TMEM132C: variants seen among roughly 807,000 people sequenced by gnomAD.
TMEM132C encodes protein phosphatase 1, regulatory subunit 152.
TMEM132C carries 29 observed loss-of-function variants against 61.4 expected under a neutral mutation model. The ratio of observed to expected loss-of-function variants is 0.47; its 90% CI spans 0.35 to 0.64. The LOEUF (loss-of-function observed/expected upper bound fraction) is 0.64. Among genes scored for constraint, TMEM132C ranks in the 30% least tolerant of loss-of-function variants. The pLI, the probability that TMEM132C is intolerant of heterozygous loss-of-function variation, is 0.00. For missense variants in TMEM132C, 1,408 were observed against 1,476.9 expected (o/e 0.95, Z 0.76); for synonymous variants, 656 against 633.1 (o/e 1.04, Z -0.54).
intron 1 of TMEM132C, among the ~76,000 whole-genome samples, chr12:128,349,000 G>T (rs1463137392): frequency 6.6e-6 from 1 of 152,116 alleles, no homozygotes; most frequent in African/African-American, 2.4e-5. Flanking sequence ...GGTATGGGTG[G>T]GGAGGACTCT....
intron 1 of TMEM132C, among the ~76,000 whole-genome samples, chr12:128,305,276 C>T (rs1051535560): frequency 2.0e-5 from 3 of 151,928 alleles, no homozygotes; most frequent in African/African-American, 7.3e-5. Flanking sequence ...GGCTAGACCC[C>T]GACTTTAAAC....
Position 128,278,750 on chromosome 12 carries a change from A to ATGTGTGTGTG in TMEM132C, c.85+11291_85+11300dup, listed in dbSNP as rs35003496. On this transcript the variant is annotated intron_variant, in intron 1 of 8. Coordinates refer to ENST00000435159, the MANE Select transcript of TMEM132C (RefSeq NM_001136103.3). This position sits in a 1 kb window ranked among gnomAD's most constrained non-coding sequence, Gnocchi z 4.2. ...TGTGCAGACTTGATTCTATACGTGT[A>ATGTGTGTGTG]TGTGTGTGTGTGTGTGTGTGTGTGT... Among the ~76,000 whole-genome samples, 100 of 137,058 alleles carry ATGTGTGTGTG rather than the reference A, an allele frequency of 7.3e-4. 1 individual carries two copies. In the South Asian group the frequency reaches 7.6e-3, roughly 10 times the overall value. 89.9% of individuals were successfully genotyped at this position (137,058 alleles called of 152,430 possible).
intron 5 of TMEM132C, among the ~76,000 whole-genome samples, chr12:128,670,906 T>C (rs1954525785): frequency 6.6e-6 from 1 of 152,150 alleles, no homozygotes; most frequent in Non-Finnish European, 1.5e-5. Flanking sequence ...AAAATCTAGA[T>C]TTCTGGTTAA....
intron 3 of TMEM132C, among the ~76,000 whole-genome samples, chr12:128,608,100 C>T (rs2135578453): frequency 6.6e-6 from 1 of 152,280 alleles, no homozygotes; most frequent in African/African-American, 2.4e-5. Context: ...TCTTAGGACA[C>T]ATGGCCTTAG....
rs1953975798 is a variant in TMEM132C at position 128,622,363 on chromosome 12, ATATAT to A, written c.1305+6029_1305+6033del. Among the ~76,000 whole-genome samples the A allele has an allele frequency of 4.5e-3, 255 of 56,710 alleles. 2 individuals are homozygous for A. Among genetic ancestry groups the A allele is most frequent in the African/African-American group, 6.8e-3 (77 of 11,390 alleles). 37.2% of individuals were successfully genotyped at this position (56,710 alleles called of 152,430 possible). A position where few individuals can be genotyped will look rare whatever the true frequency, so the allele number is the denominator to read the frequency against. On this transcript the variant is annotated intron_variant, in intron 4 of 8. Coordinates refer to ENST00000435159, the MANE Select transcript of TMEM132C (RefSeq NM_001136103.3). The stretch of plus-strand genomic sequence containing the variant: ...TGTCTCAAAAAAAAAAAAAAAAAAT[ATATAT>A]ATATATATATATATATATATATATA...
intron 2 of TMEM132C, among the ~76,000 whole-genome samples, chr12:128,512,330 T>C (rs1457262817): frequency 1.3e-5 from 2 of 152,188 alleles, no homozygotes; most frequent in African/African-American, 4.8e-5. Flanking sequence ...TAATATTTTC[T>C]TGTTTTTACC....
At chr12:128,622,356 AAAAAATATATAT>A (rs1953971938) in intron 4 of TMEM132C, among the ~76,000 whole-genome samples, 1 of 59,214 alleles carries the variant, frequency 1.7e-5, no homozygotes, top group African/African-American at 8.5e-5. Flanking sequence ...AAAAAAAAAA[AAAAAATATATAT>A]ATATATATAT....
intron 1 of TMEM132C, among the ~76,000 whole-genome samples, chr12:128,296,306 A>G (rs2135913979): frequency 6.6e-6 from 1 of 152,340 alleles, no homozygotes. Context: ...CTTAAAAAGC[A>G]ACTCCAGAAG....
In TMEM132C at chr12:128,570,240, T is replaced by C. The variant is rs1874832078; in HGVS notation, c.1121+26137T>C. 6.6e-6 allele frequency among the ~76,000 whole-genome samples: 1 copy of C among 151,970 alleles called. No individual in the cohort carries two copies. The highest frequency in any genetic ancestry group is 1.5e-5 in the Non-Finnish European group (1 of 68,020). On this transcript the variant is annotated intron_variant, in intron 3 of 8. Transcript: ENST00000435159. This position sits in a 1 kb window ranked among gnomAD's most constrained non-coding sequence, Gnocchi z 4.7. ...CACCCCCCACACACTCACACTGTGG[T>C]CACATTGAGAAAAGATGCAAGACGC...
At chr12:128,461,668 C>T (rs1273716188) in intron 2 of TMEM132C, among the ~76,000 whole-genome samples, 1 of 152,112 alleles carries the variant, frequency 6.6e-6, no homozygotes, top group Non-Finnish European at 1.5e-5. Context: ...TCATTGTTCA[C>T]CAGGTCAGGA....
rs146759356 is a variant in TMEM132C, at chr12:128,455,438, G to A, written c.974+39818G>A. ...GGGGAATATGTGACCTACTGAAGCA[G>A]TATTGTGGTCCTGAAAGATGACAAG... On this transcript the variant is annotated intron_variant, in intron 2 of 8. Coordinates refer to ENST00000435159, the MANE Select transcript of TMEM132C (RefSeq NM_001136103.3). Among the ~76,000 whole-genome samples the A allele has an allele frequency of 8.2e-4, 125 of 152,318 alleles. 1 individual carries two copies. The highest frequency in any genetic ancestry group is 3.4e-3 in the Middle Eastern group (1 of 294).
intron 2 of TMEM132C, among the ~76,000 whole-genome samples, chr12:128,543,243 G>C (rs1158416871): frequency 6.6e-6 from 1 of 152,172 alleles, no homozygotes; most frequent in African/African-American, 2.4e-5. Flanking sequence ...CATTTATTAA[G>C]TGTGTATTGT....
chr12:128,465,734 A>G (rs1870710041), intron 2 of TMEM132C, among the ~76,000 whole-genome samples: 1 of 152,234 alleles, frequency 6.6e-6, no homozygotes, highest in Non-Finnish European at 1.5e-5. Flanking sequence ...GGGCCAAAAG[A>G]ACACCCTCAA....
At chr12:128,581,663 T>G (rs1056618426) in intron 3 of TMEM132C, among the ~76,000 whole-genome samples, 3 of 152,258 alleles carry the variant, frequency 2.0e-5, no homozygotes, top group Non-Finnish European at 4.4e-5. Flanking sequence ...AGGCAGCTGA[T>G]GTCGATTTGC....
chr12:128,383,806 G>A (rs1169289835), intron 1 of TMEM132C, among the ~76,000 whole-genome samples: 1 of 152,168 alleles, frequency 6.6e-6, no homozygotes, highest in Non-Finnish European at 1.5e-5. Context: ...TTACTTAACG[G>A]CTTGCAAAGT....
chr12:128,705,397 G>A lies in TMEM132C; in HGVS notation c.2429G>A (p.Gly810Glu). 6.4e-7 allele frequency: 1 copy of A among 1,551,098 alleles called. No individual in the cohort carries two copies. The highest frequency in any genetic ancestry group is 8.7e-7 in the Non-Finnish European group (1 of 1,146,996). Residue 810 changes from glycine (G) to glutamate (E), a missense_variant, in exon 9 of 9, where the codon GGG becomes GAG. Transcript: ENST00000435159. ...AACGATGCTGACTCCAGCCCCGGCG[G>A]GGACTATGAGGAAGATGAGATCAAG... ...GQNDADSSPG[G>E]DYEEDEIKNH...
chr12:128,290,696 T>C (rs1396784985), intron 1 of TMEM132C, among the ~76,000 whole-genome samples: 2 of 152,052 alleles, frequency 1.3e-5, no homozygotes, highest in African/African-American at 4.8e-5. Context: ...TTTAAACATA[T>C]ATGCCCTTTC....
At chr12:128,470,222 G>A (rs1593064831) in intron 2 of TMEM132C, among the ~76,000 whole-genome samples, 1 of 152,176 alleles carries the variant, frequency 6.6e-6, no homozygotes, top group African/African-American at 2.4e-5. Flanking sequence ...GTCAACTGCT[G>A]AGGCAGAGAA....
chr12:128,340,979 C>T (rs989967693), intron 1 of TMEM132C, among the ~76,000 whole-genome samples: 1 of 150,526 alleles, frequency 6.6e-6, no homozygotes, highest in East Asian at 2.0e-4. Flanking sequence ...TTGACAGAGT[C>T]TCACTCTGTC....
Sources: allele counts gnomAD v4.1 joint callset (sites outside exome capture counted in the v4.1 genomes callset), GRCh38; gene constraint gnomAD v4.1.1; non-coding constraint Gnocchi (gnomAD v3.1); transcripts MANE v1.5; gene names NCBI Gene and HGNC (gene_info 2026-07-23, HGNC 2026-07-21).